Variants in CHMP1A observed in about 807,000 individuals in gnomAD.
CHMP1A encodes VPS46 homolog A.
A neutral mutation model predicts 27.0 loss-of-function variants in CHMP1A; 17 were observed. The ratio of observed to expected loss-of-function variants is 0.63; its 90% CI spans 0.43 to 0.95. The LOEUF (loss-of-function observed/expected upper bound fraction) is 0.95, where lower values mean the gene tolerates loss of function less well. Among genes scored for constraint, CHMP1A ranks in the 40% least tolerant of loss-of-function variants. The pLI, the probability that CHMP1A is intolerant of heterozygous loss-of-function variation, is 0.00. For missense variants in CHMP1A, 275 were observed against 264.0 expected (o/e 1.04, Z -0.29); for synonymous variants, 131 against 107.5 (o/e 1.22, Z -1.35).
At chr16:89,646,885 C>T in intron 5 of CHMP1A, 171 bp from the exon 6 acceptor site, 3 of 512,690 alleles carry the variant, frequency 5.9e-6, no homozygotes, top group Non-Finnish European at 1.1e-5. Flanking sequence ...GCCTTTCCTG[C>T]CCCCCCACCC....
intron 2 of CHMP1A, among the ~76,000 whole-genome samples, chr16:89,652,509 C>T (rs111864028): frequency 1.4e-5 from 2 of 138,854 alleles, no homozygotes; most frequent in Non-Finnish European, 3.2e-5. Flanking sequence ...ACCAGCACCT[C>T]GAGGAAACAG....
intron 5 of CHMP1A, 112 bp from the exon 6 acceptor site, chr16:89,646,826 T>A (rs1244529499): frequency 1.9e-5 from 23 of 1,218,740 alleles, no homozygotes; most frequent in Non-Finnish European, 2.5e-5. Flanking sequence ...CCAGCCACCT[T>A]CTTGCCCTGT....
In CHMP1A at chr16:89,646,040, A is replaced by G. The variant is rs1567999054; in HGVS notation, c.*26T>C. Reference sequence around the variant, plus strand: ...AGCCTTCCAGCACATCACGGGGCAGAGGCGGTGCACACCGGCGGGGCACGG... The same window carrying G: ...AGCCTTCCAGCACATCACGGGGCAGGGGCGGTGCACACCGGCGGGGCACGG... On this transcript the variant is annotated 3_prime_UTR_variant, in exon 7 of 7. Transcript: ENST00000397901. The G allele has an allele frequency of 4.4e-6, 7 of 1,591,012 alleles. No homozygotes were observed. Among genetic ancestry groups the G allele is most frequent in the Non-Finnish European group, 6.0e-6 (7 of 1,169,756 alleles).
rs757315223 is a variant in CHMP1A, at chr16:89,647,174, C to G, written c.381+29G>C. On this transcript the variant is annotated intron_variant, in intron 5 of 6. Coordinates refer to ENST00000397901, the MANE Select transcript of CHMP1A (RefSeq NM_002768.5). Reference sequence around the variant, plus strand: ...CCCACACACGCTCCTTGTCCCCAGGCCACAGCCCCAAGGGTAGGGGCCACA... The same window carrying G: ...CCCACACACGCTCCTTGTCCCCAGGGCACAGCCCCAAGGGTAGGGGCCACA... 23 of 1,604,552 alleles carry G rather than the reference C, an allele frequency of 1.4e-5. No homozygotes were observed. The South Asian group carries it at 2.2e-4, about 16-fold the overall frequency.
At position 89,646,325 on chromosome 16, in the gene CHMP1A, C is replaced by T. The variant is rs62068734; in HGVS notation, c.569+202G>A. On this transcript the variant is annotated intron_variant, in intron 6 of 6. Coordinates refer to ENST00000397901, the MANE Select transcript of CHMP1A (RefSeq NM_002768.5). ...TGCCTGACACACACTCAAGCCCCCA[C>T]GCCAGCCGGAGCAGGACGGGGCAGC... is the stretch of plus-strand genomic sequence containing the variant. Among the ~76,000 whole-genome samples, 1,123 of 152,336 alleles carry T rather than the reference C, an allele frequency of 7.4e-3. 7 individuals are homozygous for T. The highest frequency in any genetic ancestry group is 0.013 in the Non-Finnish European group (879 of 68,026).
Position 89,645,771 on chromosome 16 carries a change from C to T in CHMP1A, c.*295G>A. On this transcript the variant is annotated 3_prime_UTR_variant, in exon 7 of 7. Transcript: ENST00000397901. ...TGCTGCCCCAGAGTCTGAAGGCCCCCACAGTGCTGGGTGAAAGTCCACAGG... is the reference window on the plus strand; with the variant it reads ...TGCTGCCCCAGAGTCTGAAGGCCCCTACAGTGCTGGGTGAAAGTCCACAGG... The T allele has an allele frequency of 1.4e-6, 1 of 729,170 alleles. No individual in the cohort carries two copies. Among genetic ancestry groups the T allele is most frequent in the Non-Finnish European group, 2.1e-6 (1 of 480,288 alleles). 45.2% of individuals were successfully genotyped at this position (729,170 alleles called of 1,614,324 possible). A position where few individuals can be genotyped will look rare whatever the true frequency, so the allele number is the denominator to read the frequency against.
intron 4 of CHMP1A, among the ~76,000 whole-genome samples, chr16:89,648,517 T>C (rs74033820): frequency 0.023 from 3,435 of 149,008 alleles, 263 homozygotes; most frequent in African/African-American, 0.086. Context: ...CAGCCAAGGC[T>C]CTGCTGTGAC....
intron 5 of CHMP1A, 100 bp downstream of exon 5, chr16:89,647,102 TG>T (rs1309182335): frequency 5.8e-6 from 9 of 1,541,828 alleles, no homozygotes; most frequent in Admixed American, 3.9e-5. Context: ...ACCACAGGTA[TG>T]CAGAGACAGC....
At chr16:89,655,897 G>A (rs997382344) in intron 1 of CHMP1A, among the ~76,000 whole-genome samples, 8 of 152,120 alleles carry the variant, frequency 5.3e-5, no homozygotes, top group African/African-American at 1.7e-4. Flanking sequence ...AAGTGTTGGG[G>A]TTACAGGCGT....
Position 89,645,775 on chromosome 16 carries a change from G to A in CHMP1A, c.*291C>T. 1 of 762,472 alleles carries A rather than the reference G, an allele frequency of 1.3e-6. No homozygotes were observed. Among genetic ancestry groups the A allele is most frequent in the Non-Finnish European group, 2.0e-6 (1 of 506,184 alleles). The allele number at this position is 762,472 out of a possible 1,614,324, so 47.2% of individuals were successfully genotyped here. ...GCCCCAGAGTCTGAAGGCCCCCACA[G>A]TGCTGGGTGAAAGTCCACAGGGCCC... is the stretch of plus-strand genomic sequence containing the variant. On this transcript the variant is annotated 3_prime_UTR_variant, in exon 7 of 7. Coordinates refer to ENST00000397901, the MANE Select transcript of CHMP1A (RefSeq NM_002768.5).
In CHMP1A at chr16:89,645,961, G is replaced by C. The variant is rs542664777; in HGVS notation, c.*105C>G. 4.8e-5 allele frequency: 77 copies of C among 1,611,240 alleles called. No homozygotes were observed. The South Asian group carries it at 6.7e-4, about 14-fold the overall frequency. ...GGTGAGAGACGCAGAGTGGCTGCCGGCCGCAGCCCCGCGGGGTCAGCACAA... is the reference window on the plus strand; with the variant it reads ...GGTGAGAGACGCAGAGTGGCTGCCGCCCGCAGCCCCGCGGGGTCAGCACAA... On this transcript the variant is annotated 3_prime_UTR_variant, in exon 7 of 7. Transcript: ENST00000397901.
rs778015901 is a variant in CHMP1A at position 89,651,686 on chromosome 16, G to A, written c.28-40C>T. ...GAATGTCCTGGGTCAGACATGCGGAGCCCATCCCCCAGGCCCGGCTCTCCA... is the reference window on the plus strand; with the variant it reads ...GAATGTCCTGGGTCAGACATGCGGAACCCATCCCCCAGGCCCGGCTCTCCA... On this transcript the variant is annotated intron_variant, in intron 2 of 6. Coordinates refer to ENST00000397901, the MANE Select transcript of CHMP1A (RefSeq NM_002768.5). 9 of 1,602,928 alleles carry A rather than the reference G, an allele frequency of 5.6e-6. No homozygotes were observed. In the South Asian group the frequency reaches 7.8e-5, roughly 14 times the overall value.
intron 1 of CHMP1A, among the ~76,000 whole-genome samples, chr16:89,654,759 G>A (rs1242307995): frequency 1.3e-5 from 2 of 152,092 alleles, no homozygotes; most frequent in South Asian, 2.1e-4. Context: ...TGGCTAACAC[G>A]GTAAAAGCCC....
chr16:89,652,924 A>G (rs2059836169), intron 2 of CHMP1A, among the ~76,000 whole-genome samples: 2 of 151,482 alleles, frequency 1.3e-5, no homozygotes, highest in African/African-American at 2.4e-5. Context: ...TGGGAGGAAT[A>G]CTCAGAAAGC....
chr16:89,644,449 T>A lies in CHMP1A; in HGVS notation c.*1617A>T, dbSNP rs1308062548. On this transcript the variant is annotated 3_prime_UTR_variant, in exon 7 of 7. Coordinates refer to ENST00000397901, the MANE Select transcript of CHMP1A (RefSeq NM_002768.5). Reference sequence around the variant, plus strand: ...GCTTGAGAAAGTTTCCAGGGATCCATTTGTTTATTTACAACAGCATTCTAG... The same window carrying A: ...GCTTGAGAAAGTTTCCAGGGATCCAATTGTTTATTTACAACAGCATTCTAG... 4 of 152,284 alleles carry A rather than the reference T, an allele frequency of 2.6e-5. No homozygotes were observed. Among genetic ancestry groups the A allele is most frequent in the African/African-American group, 7.2e-5 (3 of 41,540 alleles). 9.4% of individuals were successfully genotyped at this position (152,284 alleles called of 1,614,324 possible).
chr16:89,645,593 C>G lies in CHMP1A; in HGVS notation c.*473G>C. 1 of 248,982 alleles carries G rather than the reference C, an allele frequency of 4.0e-6. No homozygotes were observed. The highest frequency in any genetic ancestry group is 3.9e-5 in the South Asian group (1 of 25,756). 15.4% of individuals were successfully genotyped at this position (248,982 alleles called of 1,614,324 possible). A position where few individuals can be genotyped will look rare whatever the true frequency, so the allele number is the denominator to read the frequency against. On this transcript the variant is annotated 3_prime_UTR_variant, in exon 7 of 7. Transcript: ENST00000397901. ...ACAGCGTTGGGTGGCACCTGACATC[C>G]CCCAGCACACATAGACCTGTGGTGC...
At chr16:89,649,293 C>G in intron 4 of CHMP1A, 58 bp downstream of exon 4, 1 of 1,591,840 alleles carries the variant, frequency 6.3e-7, no homozygotes, top group Non-Finnish European at 8.6e-7. Flanking sequence ...GACCGCAGAG[C>G]CCATTCCTGC....
rs767954972 is a variant in CHMP1A, at chr16:89,646,723, A to G, written c.382-9T>C. On this transcript the variant is annotated splice_polypyrimidine_tract_variant and intron_variant, in intron 5 of 6. Coordinates refer to ENST00000397901, the MANE Select transcript of CHMP1A (RefSeq NM_002768.5). ...ATGGAGTCCTCCATCACCTGGGGGCAGGGGCATGCTCTGGACAACAGGTGG... is the reference window on the plus strand; with the variant it reads ...ATGGAGTCCTCCATCACCTGGGGGCGGGGGCATGCTCTGGACAACAGGTGG... 4.1e-5 allele frequency: 66 copies of G among 1,606,256 alleles called. No homozygotes were observed. The highest frequency in any genetic ancestry group is 1.6e-4 in the East Asian group (7 of 44,708).
At chr16:89,646,927 G>T in intron 5 of CHMP1A, 1 of 925,212 alleles carries the variant, frequency 1.1e-6, no homozygotes, top group Non-Finnish European at 1.6e-6. Flanking sequence ...CATGCCTGCT[G>T]CCGCGGGTGG....
Sources: gnomAD v4.1 joint callset for allele counts (sites outside exome capture counted in the v4.1 genomes callset) on GRCh38, gnomAD v4.1.1 for gene constraint, MANE v1.5 for transcripts, NCBI Gene and HGNC (gene_info 2026-07-23, HGNC 2026-07-21) for gene names.